CRYBG1: variants seen among roughly 807,000 people sequenced by gnomAD.
CRYBG1 encodes crystallin beta-gamma domain containing 1.
Under a neutral mutation model 189.2 loss-of-function variants are expected in CRYBG1, and 139 were observed. The observed-to-expected ratio is 0.73, with a 90% CI of 0.64 to 0.85. The LOEUF is 0.85. Ranked by LOEUF, CRYBG1 falls within the 40% of genes least tolerant of loss-of-function variation. The pLI is 0.00. For synonymous variants in CRYBG1, 1,023 were observed against 1,017.1 expected (o/e 1.01, Z -0.11); for missense variants, 2,611 against 2,675.8 (o/e 0.98, Z 0.53).
chr6:106,518,978 CACACACACACACAT>C (rs1200118324), intron 3 of CRYBG1, among the ~76,000 whole-genome samples, 139 bp from the exon 4 acceptor site: 4 of 132,152 alleles, frequency 3.0e-5, no homozygotes, highest in Admixed American at 2.4e-4. Flanking sequence ...TGTGTGCGCA[CACACACACACACAT>C]ACACACACAC....
intron 2 of CRYBG1, among the ~76,000 whole-genome samples, chr6:106,470,224 T>C (rs557583629): frequency 1.3e-5 from 2 of 152,208 alleles, no homozygotes; most frequent in Admixed American, 1.3e-4. Flanking sequence ...TTTGGGAGGC[T>C]GAGGAGGGAA....
intron 2 of CRYBG1, among the ~76,000 whole-genome samples, chr6:106,495,594 A>G (rs557164133): frequency 6.6e-6 from 1 of 151,984 alleles, no homozygotes; most frequent in African/African-American, 2.4e-5. Flanking sequence ...GGGGCTGAGT[A>G]CCCTTGGATA....
Position 106,570,986 on chromosome 6 carries a change from C to T in CRYBG1, c.*2420C>T, listed in dbSNP as rs1026927292. 2 of 152,164 alleles carry T rather than the reference C, an allele frequency of 1.3e-5. No individual in the cohort carries two copies. The highest frequency in any genetic ancestry group is 2.9e-5 in the Non-Finnish European group (2 of 68,032). The allele number at this position is 152,164 out of a possible 1,614,324, so 9.4% of individuals were successfully genotyped here. A position where few individuals can be genotyped will look rare whatever the true frequency, so the allele number is the denominator to read the frequency against. On this transcript the variant is annotated 3_prime_UTR_variant, in exon 22 of 22. Transcript: ENST00000633556. Reference sequence around the variant, plus strand: ...ACCGTAAATGAATATTCGAAGTGCACACTGCAATGGGTTGATTGGAGAGAT... The same window carrying T: ...ACCGTAAATGAATATTCGAAGTGCATACTGCAATGGGTTGATTGGAGAGAT...
At chr6:106,544,380 T>C (rs1774212202) in intron 11 of CRYBG1, among the ~76,000 whole-genome samples, 191 bp from the exon 12 acceptor site, 1 of 152,170 alleles carries the variant, frequency 6.6e-6, no homozygotes, top group South Asian at 2.1e-4. Flanking sequence ...AACTCTGATA[T>C]ATGTCTCTTA....
At chr6:106,421,835 A>G (rs370674274) in intron 1 of CRYBG1, among the ~76,000 whole-genome samples, 3 of 152,176 alleles carry the variant, frequency 2.0e-5, no homozygotes, top group East Asian at 3.9e-4. Flanking sequence ...CCTCACAGTC[A>G]TGGTGGAAGG....
At chr6:106,459,545 GTTTTTTTT>G (rs35095662) in intron 2 of CRYBG1, among the ~76,000 whole-genome samples, 1 of 138,938 alleles carries the variant, frequency 7.2e-6, no homozygotes, top group South Asian at 2.3e-4. Context: ...CCATTTGTGG[GTTTTTTTT>G]TTTTTTTTAC....
At chr6:106,367,585 A>G (rs1294483157) in intron 1 of CRYBG1, among the ~76,000 whole-genome samples, 1 of 1,612 alleles carries the variant, frequency 6.2e-4, no homozygotes, top group African/African-American at 1.4e-3. Flanking sequence ...GACTCTGTCT[A>G]AAAAAAAAAA....
rs1373671604 is a variant in CRYBG1, at chr6:106,442,118, A to G, written c.174-9576A>G. On this transcript the variant is annotated intron_variant, in intron 1 of 21. Coordinates refer to ENST00000633556, the MANE Select transcript of CRYBG1 (RefSeq NM_001371242.2). ...TGAGAAAGTTGAGAGTATATGATCT[A>G]TAAGAAAAGTAGGTGTTTGTGAGTT... Among the ~76,000 whole-genome samples the G allele has an allele frequency of 2.6e-5, 4 of 152,222 alleles. No individual in the cohort carries two copies. In the East Asian group the frequency reaches 7.7e-4, roughly 29 times the overall value.
intron 3 of CRYBG1, among the ~76,000 whole-genome samples, chr6:106,517,327 TAC>T (rs1554188207): frequency 8.5e-6 from 1 of 117,038 alleles, no homozygotes; most frequent in Non-Finnish European, 1.8e-5. Context: ...CATATATATA[TAC>T]ACATATATAT....
At chr6:106,394,314 A>G (rs996620153) in intron 1 of CRYBG1, among the ~76,000 whole-genome samples, 1 of 152,232 alleles carries the variant, frequency 6.6e-6, no homozygotes, top group African/African-American at 2.4e-5. Context: ...TGATACATAT[A>G]CAACAGTGTC....
intron 1 of CRYBG1, among the ~76,000 whole-genome samples, chr6:106,443,583 C>T (rs1463824356): frequency 2.0e-5 from 3 of 152,144 alleles, no homozygotes; most frequent in Non-Finnish European, 4.4e-5. Flanking sequence ...AATGCGATGA[C>T]AAAGGACCCC....
intron 2 of CRYBG1, among the ~76,000 whole-genome samples, chr6:106,503,939 A>G (rs1310689567): frequency 6.6e-6 from 1 of 151,696 alleles, no homozygotes; most frequent in Non-Finnish European, 1.5e-5. Flanking sequence ...TGGAAGTTAA[A>G]AAGTCTGTCA....
At chr6:106,453,053 TAGAA>T (rs1339381296) in intron 2 of CRYBG1, among the ~76,000 whole-genome samples, 1 of 152,248 alleles carries the variant, frequency 6.6e-6, no homozygotes, top group Non-Finnish European at 1.5e-5. Context: ...TAGCATGAGA[TAGAA>T]AGAGTTCTGG....
At chr6:106,427,275 T>C (rs1389888855) in intron 1 of CRYBG1, among the ~76,000 whole-genome samples, 1 of 152,200 alleles carries the variant, frequency 6.6e-6, no homozygotes, top group Non-Finnish European at 1.5e-5. Flanking sequence ...CCTCTCGACT[T>C]GAATGTCTAA....
In CRYBG1 at chr6:106,558,445, A is replaced by G. The variant is rs1349956221; in HGVS notation, c.5716-41A>G. Reference sequence around the variant, plus strand: ...ATTTTCACATAAGTTTGAATTATTAACAAAGATGAATAACAGAACATTGTT... The same window carrying G: ...ATTTTCACATAAGTTTGAATTATTAGCAAAGATGAATAACAGAACATTGTT... On this transcript the variant is annotated intron_variant, in intron 17 of 21. Coordinates refer to ENST00000633556, the MANE Select transcript of CRYBG1 (RefSeq NM_001371242.2). 2.0e-6 allele frequency: 3 copies of G among 1,464,422 alleles called. No individual in the cohort carries two copies. The South Asian group carries it at 3.9e-5, about 19-fold the overall frequency. 90.7% of individuals were successfully genotyped at this position (1,464,422 alleles called of 1,614,324 possible).
At chr6:106,420,203 T>A (rs1771097178) in intron 1 of CRYBG1, among the ~76,000 whole-genome samples, 1 of 152,126 alleles carries the variant, frequency 6.6e-6, no homozygotes, top group African/African-American at 2.4e-5. Context: ...GGAAAAAATA[T>A]AAGCATACAG....
At chr6:106,394,000 CT>C (rs1770558282) in intron 1 of CRYBG1, among the ~76,000 whole-genome samples, 1 of 152,076 alleles carries the variant, frequency 6.6e-6, no homozygotes, top group Non-Finnish European at 1.5e-5. Flanking sequence ...CTTGTCCTAC[CT>C]TTAGACTACT....
At chr6:106,491,654 C>T (rs1199218634) in intron 2 of CRYBG1, among the ~76,000 whole-genome samples, 1 of 152,120 alleles carries the variant, frequency 6.6e-6, no homozygotes, top group Non-Finnish European at 1.5e-5. Flanking sequence ...TTTCCTCCCT[C>T]CATTTCCATA....
In CRYBG1 at chr6:106,568,630, T is replaced by A. The variant is rs1582848169; in HGVS notation, c.*64T>A. The A allele has an allele frequency of 2.4e-6, 3 of 1,249,754 alleles. No homozygotes were observed. The East Asian group carries it at 7.0e-5, about 29-fold the overall frequency. 77.4% of individuals were successfully genotyped at this position (1,249,754 alleles called of 1,614,324 possible). On this transcript the variant is annotated 3_prime_UTR_variant, in exon 22 of 22. Coordinates refer to ENST00000633556, the MANE Select transcript of CRYBG1 (RefSeq NM_001371242.2). ...CCACCTTATTTCTTAAAAAGGACAA[T>A]GCTGATGGAAGACCAGACTGGAAAG...
Sources: gnomAD v4.1 joint callset for allele counts (sites outside exome capture counted in the v4.1 genomes callset) on GRCh38, gnomAD v4.1.1 for gene constraint, MANE v1.5 for transcripts, NCBI Gene and HGNC (gene_info 2026-07-23, HGNC 2026-07-21) for gene names.